Variants in PIEZO2 observed in about 807,000 individuals in gnomAD.
The protein encoded by PIEZO2 is piezo type mechanosensitive ion channel component 2, also known as piezo-type mechanosensitive ion channel component 2.
PIEZO2 carries 172 observed loss-of-function variants against 337.3 expected under a neutral mutation model. The observed-to-expected ratio is 0.51, with a 90% confidence interval of 0.45 to 0.58. The LOEUF is 0.58. Among genes scored for constraint, PIEZO2 ranks in the 20% least tolerant of loss-of-function variants. PIEZO2 has a pLI of 0.00. For synonymous variants in PIEZO2, 1,251 were observed against 1,228.5 expected (o/e 1.02, Z -0.38); for missense variants, 3,028 against 3,391.3 (o/e 0.89, Z 2.66).
intron 27 of PIEZO2, among the ~76,000 whole-genome samples, chr18:10,755,886 G>T (rs72976243): frequency 0.21 from 32,344 of 151,334 alleles, 3,677 homozygotes; most frequent in Non-Finnish European, 0.26. Flanking sequence ...AGGCAGGATG[G>T]GGAATAAGGA....
chr18:10,950,940 C>T (rs1163465443), intron 3 of PIEZO2, among the ~76,000 whole-genome samples: 1 of 152,148 alleles, frequency 6.6e-6, no homozygotes, highest in Non-Finnish European at 1.5e-5. Flanking sequence ...TTGTTTTTCA[C>T]CCAACAGTCT....
At chr18:10,752,921 A>G in intron 27 of PIEZO2, 42 bp from the exon 28 acceptor site, 1 of 1,507,910 alleles carries the variant, frequency 6.6e-7, no homozygotes, top group Non-Finnish European at 8.8e-7. Flanking sequence ...CAACAACAAA[A>G]CAAACAAAAG....
intron 5 of PIEZO2, among the ~76,000 whole-genome samples, chr18:10,858,425 C>T (rs2041786812): frequency 6.7e-6 from 1 of 149,984 alleles, no homozygotes; most frequent in Non-Finnish European, 1.5e-5. Context: ...ATGCATGAAA[C>T]TTTGTGTGCA....
Position 11,127,329 on chromosome 18 carries a change from G to A in PIEZO2, c.64+21196C>T, listed in dbSNP as rs1455788483. 6.6e-6 allele frequency among the ~76,000 whole-genome samples: 1 copy of A among 152,208 alleles called. No individual in the cohort carries two copies. The highest frequency in any genetic ancestry group is 1.5e-5 in the Non-Finnish European group (1 of 68,030). On this transcript the variant is annotated intron_variant, in intron 1 of 55. Transcript: ENST00000674853. This position sits in a 1 kb window ranked among gnomAD's most constrained non-coding sequence, Gnocchi z 4.5. ...CTGAATGTGATGGTTAATACTGAGT[G>A]TGAACTTGATTGGATTGAAGGATAC...
Position 10,993,518 on chromosome 18 carries a change from T to C in PIEZO2, c.161-13858A>G, listed in dbSNP as rs2035186123. 6.6e-6 allele frequency among the ~76,000 whole-genome samples: 1 copy of C among 151,930 alleles called. No homozygotes were observed. Among genetic ancestry groups the C allele is most frequent in the African/African-American group, 2.4e-5 (1 of 41,362 alleles). ...TTTATGTGATAGATTACGTTTTTGT[T>C]GTTGTTGTTGTTGTTGTTGTTGTTT... On this transcript the variant is annotated intron_variant, in intron 2 of 55. Coordinates refer to ENST00000674853, the MANE Select transcript of PIEZO2 (RefSeq NM_001378183.1). The surrounding 1 kb of genome is among the most constrained non-coding windows in gnomAD (Gnocchi z 5.0).
In PIEZO2 at chr18:11,035,981, T is replaced by C. The variant is rs2036913938; in HGVS notation, c.160+30146A>G. On this transcript the variant is annotated intron_variant, in intron 2 of 55. Transcript: ENST00000674853. The surrounding 1 kb of genome is among the most constrained non-coding windows in gnomAD (Gnocchi z 4.3). ...ACATGCTTGAAGCACAGGTGCTCAG[T>C]TGGGGCACACCTTGGAGTCACCTGG... Among the ~76,000 whole-genome samples the C allele has an allele frequency of 6.6e-6, 1 of 152,208 alleles. No individual in the cohort carries two copies. Among genetic ancestry groups the C allele is most frequent in the South Asian group, 2.1e-4 (1 of 4,834 alleles).
chr18:10,808,559 A>C (rs2040072660), intron 7 of PIEZO2, among the ~76,000 whole-genome samples: 1 of 152,256 alleles, frequency 6.6e-6, no homozygotes, highest in Admixed American at 6.5e-5. Context: ...CAGATTTTAA[A>C]GTAAGCTAAA....
rs1263294542 is a variant in PIEZO2, at chr18:10,795,779, A to G, written c.1528-777T>C. ...GTCCCTTGAGTTAAAGAATATTTTTATTTTTATCATCAAAGGTGTCCATAG... is the reference window on the plus strand; with the variant it reads ...GTCCCTTGAGTTAAAGAATATTTTTGTTTTTATCATCAAAGGTGTCCATAG... On this transcript the variant is annotated intron_variant, in intron 12 of 55. Transcript: ENST00000674853. The surrounding 1 kb of genome is among the most constrained non-coding windows in gnomAD (Gnocchi z 4.4). 2.0e-5 allele frequency among the ~76,000 whole-genome samples: 3 copies of G among 152,116 alleles called. No individual in the cohort carries two copies. Among genetic ancestry groups the G allele is most frequent in the African/African-American group, 7.2e-5 (3 of 41,430 alleles).
Position 11,083,199 on chromosome 18 carries a change from A to G in PIEZO2, c.65-16977T>C, listed in dbSNP as rs2038809697. 6.6e-6 allele frequency among the ~76,000 whole-genome samples: 1 copy of G among 152,196 alleles called. No homozygotes were observed. The highest frequency in any genetic ancestry group is 2.4e-5 in the African/African-American group (1 of 41,442). ...AGACTTCTCTTAGACAAATGTGAAT[A>G]TGCTGATTTTACAGATGAAGACTAT... On this transcript the variant is annotated intron_variant, in intron 1 of 55. Transcript: ENST00000674853. This position sits in a 1 kb window ranked among gnomAD's most constrained non-coding sequence, Gnocchi z 4.4.
intron 4 of PIEZO2, among the ~76,000 whole-genome samples, chr18:10,884,121 A>G (rs573031729): frequency 6.6e-6 from 1 of 152,118 alleles, no homozygotes; most frequent in South Asian, 2.1e-4. Flanking sequence ...TATGAGTCCT[A>G]CTTCTTTAGA....
intron 47 of PIEZO2, 39 bp from the exon 48 acceptor site, chr18:10,691,422 C>T (rs561461010): frequency 1.1e-5 from 17 of 1,591,860 alleles, no homozygotes; most frequent in African/African-American, 4.0e-5. Context: ...CAATGAAATA[C>T]TCTTCTGAAA....
At chr18:11,141,908 C>A (rs1479847542) in intron 1 of PIEZO2, among the ~76,000 whole-genome samples, 2 of 152,154 alleles carry the variant, frequency 1.3e-5, no homozygotes, top group Non-Finnish European at 2.9e-5. Context: ...CACAGAAAGC[C>A]TAAGTAGTTT....
At chr18:11,056,623 A>G (rs550591909) in intron 2 of PIEZO2, among the ~76,000 whole-genome samples, 2 of 152,292 alleles carry the variant, frequency 1.3e-5, no homozygotes, top group East Asian at 3.9e-4. Flanking sequence ...TGTTGAAGCA[A>G]CTGGAACATC....
intron 2 of PIEZO2, among the ~76,000 whole-genome samples, chr18:11,062,563 G>GA (rs2038004519): frequency 6.6e-6 from 1 of 151,962 alleles, no homozygotes; most frequent in African/African-American, 2.4e-5. Flanking sequence ...AAATTTACAA[G>GA]AAAAAAACAA....
rs1017459976 is a variant in PIEZO2, at chr18:10,982,350, A to T, written c.161-2690T>A. On this transcript the variant is annotated intron_variant, in intron 2 of 55. Coordinates refer to ENST00000674853, the MANE Select transcript of PIEZO2 (RefSeq NM_001378183.1). This position sits in a 1 kb window ranked among gnomAD's most constrained non-coding sequence, Gnocchi z 4.1. The stretch of plus-strand genomic sequence containing the variant: ...ATTAACCTAAAAAAGAATGCTTAAG[A>T]CCGTTCTTGACAAAATTGTAAAAAA... Among the ~76,000 whole-genome samples, 1 of 151,720 alleles carries T rather than the reference A, an allele frequency of 6.6e-6. No homozygotes were observed. Among genetic ancestry groups the T allele is most frequent in the African/African-American group, 2.4e-5 (1 of 41,056 alleles).
intron 2 of PIEZO2, among the ~76,000 whole-genome samples, chr18:11,012,660 C>A (rs1005035375): frequency 6.6e-6 from 1 of 152,172 alleles, no homozygotes; most frequent in African/African-American, 2.4e-5. Flanking sequence ...GGCAGCCATC[C>A]TTCTCTATCT....
chr18:11,079,715 T>C (rs1030791213), intron 1 of PIEZO2, among the ~76,000 whole-genome samples: 7 of 152,294 alleles, frequency 4.6e-5, no homozygotes, highest in Non-Finnish European at 8.8e-5. Flanking sequence ...AAACCACAAA[T>C]TCATAAGCAT....
intron 27 of PIEZO2, among the ~76,000 whole-genome samples, chr18:10,755,395 A>G (rs985796701): frequency 6.6e-6 from 1 of 152,158 alleles, no homozygotes; most frequent in Non-Finnish European, 1.5e-5. Flanking sequence ...TAGTCCCATG[A>G]TATACAGCTA....
chr18:10,769,486 G>C (rs1426731937), intron 21 of PIEZO2, among the ~76,000 whole-genome samples: 1 of 152,166 alleles, frequency 6.6e-6, no homozygotes, highest in African/African-American at 2.4e-5. Context: ...AAAGATTATA[G>C]GCAGTACTCC....
Sources: allele counts gnomAD v4.1 joint callset (sites outside exome capture counted in the v4.1 genomes callset), GRCh38; gene constraint gnomAD v4.1.1; non-coding constraint Gnocchi (gnomAD v3.1); transcripts MANE v1.5; gene names NCBI Gene and HGNC (gene_info 2026-07-23, HGNC 2026-07-21).